The following PC variants were observed in gnomAD, a reference collection of about 807,000 sequenced individuals.
PC encodes the protein pyruvate carboxylase, mitochondrial.
PC carries 46 observed loss-of-function variants against 107.8 expected under a neutral mutation model. The observed-to-expected ratio is 0.43, with a 90% CI of 0.34 to 0.55. The LOEUF (loss-of-function observed/expected upper bound fraction) is 0.55, where lower values mean the gene tolerates loss of function less well. Among genes scored for constraint, PC ranks in the 20% least tolerant of loss-of-function variants. The pLI is 0.04. For synonymous variants in PC, 662 were observed against 684.7 expected, an observed-to-expected ratio of 0.97 and a Z score of 0.52; for missense variants, 1,241 against 1,643.1, an observed-to-expected ratio of 0.76 and a Z score of 4.23.
intron 3 of PC, among the ~76,000 whole-genome samples, chr11:66,874,071 T>C (rs2135955803): frequency 6.6e-6 from 1 of 152,260 alleles, no homozygotes; most frequent in Non-Finnish European, 1.5e-5. Context: ...GTGATTCTCC[T>C]GCCTCAGCCT....
chr11:66,890,743 G>A lies in PC; in HGVS notation c.1-18584C>T, dbSNP rs187521005. Reference sequence around the variant, plus strand: ...TCGAACTCCACTCCCAACCTCAGGCGATCCACCCACCTCAGCCTCCCAAAG... The same window carrying A: ...TCGAACTCCACTCCCAACCTCAGGCAATCCACCCACCTCAGCCTCCCAAAG... On this transcript the variant is annotated intron_variant, in intron 3 of 22. Coordinates refer to ENST00000393960, the MANE Select transcript of PC (RefSeq NM_001040716.2). Among the ~76,000 whole-genome samples, 108 of 151,910 alleles carry A rather than the reference G, an allele frequency of 7.1e-4. 1 individual carries two copies. The highest frequency in any genetic ancestry group is 2.4e-3 in the African/African-American group (99 of 41,350).
rs778409831 is a variant in PC, at chr11:66,871,488, T to C, written c.322-8A>G. 6.2e-7 allele frequency: 1 copy of C among 1,613,044 alleles called. No individual in the cohort carries two copies. Among genetic ancestry groups the C allele is most frequent in the South Asian group, 1.1e-5 (1 of 91,082 alleles). ...TGCATCTACGTTGTTCTCCTGCAGG[T>C]GGGGGTCAGGGAGAGGACGGTACCT... On this transcript the variant is annotated splice_region_variant and splice_polypyrimidine_tract_variant and intron_variant, in intron 5 of 22. Transcript: ENST00000393960. This position sits in a 1 kb window ranked among gnomAD's most constrained non-coding sequence, Gnocchi z 7.4.
At chr11:66,859,566 C>T in intron 12 of PC, 1 of 1,591,896 alleles carries the variant, frequency 6.3e-7, no homozygotes, top group Non-Finnish European at 8.6e-7. Context: ...GAGCTGGGAG[C>T]ACGGGAGTGG....
At chr11:66,869,276 C>G (rs1283644992) in intron 9 of PC, among the ~76,000 whole-genome samples, 1 of 151,908 alleles carries the variant, frequency 6.6e-6, no homozygotes, top group Non-Finnish European at 1.5e-5. Flanking sequence ...CCTGCTGCCT[C>G]CTGGGCTTGC....
intron 12 of PC, among the ~76,000 whole-genome samples, chr11:66,862,897 G>A (rs770942344): frequency 1.3e-5 from 2 of 152,190 alleles, no homozygotes; most frequent in East Asian, 3.8e-4. Flanking sequence ...CCCCACCCTC[G>A]GCTGCTCCTG....
At chr11:66,901,752 C>T (rs1043283237) in intron 3 of PC, among the ~76,000 whole-genome samples, 18 of 152,312 alleles carry the variant, frequency 1.2e-4, no homozygotes, top group East Asian at 5.8e-4. Context: ...GGATTACAGG[C>T]GTGAGCCACC....
intron 3 of PC, among the ~76,000 whole-genome samples, chr11:66,920,988 AG>A (rs1948579960): frequency 6.6e-6 from 1 of 151,716 alleles, no homozygotes; most frequent in South Asian, 2.1e-4. Context: ...CAGTGAGCCG[AG>A]ATCTCCAGGC....
chr11:66,892,027 AT>A (rs1449956607), intron 3 of PC, among the ~76,000 whole-genome samples: 1 of 152,114 alleles, frequency 6.6e-6, no homozygotes, highest in African/African-American at 2.4e-5. Flanking sequence ...ATCTTTATGT[AT>A]TCTAGGCATG....
chr11:66,958,207 CCGCCTTT>C (rs1344669058), intron 1 of PC, 108 bp downstream of exon 1: 2 of 152,128 alleles, frequency 1.3e-5, no homozygotes, highest in Non-Finnish European at 2.9e-5. Context: ...GGAGCCCGCG[CCGCCTTT>C]GCGCGCGCGA....
chr11:66,935,011 T>C (rs970738326), intron 3 of PC, among the ~76,000 whole-genome samples: 8 of 152,270 alleles, frequency 5.3e-5, no homozygotes, highest in African/African-American at 1.4e-4. Context: ...GCATGTATTT[T>C]GTCCAGCACG....
Position 66,852,425 on chromosome 11 carries a change from G to C in PC, c.1825+14C>G, listed in dbSNP as rs373719044. 6.8e-6 allele frequency: 11 copies of C among 1,607,064 alleles called. No individual in the cohort carries two copies. In the African/African-American group the frequency reaches 1.2e-4, roughly 18 times the overall value. On this transcript the variant is annotated intron_variant, in intron 15 of 22. Coordinates refer to ENST00000393960, the MANE Select transcript of PC (RefSeq NM_001040716.2). The surrounding 1 kb of genome is among the most constrained non-coding windows in gnomAD (Gnocchi z 4.7). ...GCCCATTCCTACCAGGCGCTGCGCAGCATGCCAGCCTACCTCCCCAGTTCT... is the reference window on the plus strand; with the variant it reads ...GCCCATTCCTACCAGGCGCTGCGCACCATGCCAGCCTACCTCCCCAGTTCT...
intron 3 of PC, among the ~76,000 whole-genome samples, chr11:66,906,708 T>G (rs1419560747): frequency 6.6e-6 from 1 of 152,024 alleles, no homozygotes; most frequent in Admixed American, 6.6e-5. Flanking sequence ...TCCCATGACC[T>G]GGCAGGGAGC....
At chr11:66,900,404 C>T (rs912775135) in intron 3 of PC, among the ~76,000 whole-genome samples, 2 of 152,006 alleles carry the variant, frequency 1.3e-5, no homozygotes, top group Admixed American at 6.6e-5. Context: ...CCTCATGATC[C>T]GCCCGCCTTG....
At chr11:66,877,532 T>C (rs1947027853) in intron 3 of PC, among the ~76,000 whole-genome samples, 1 of 152,036 alleles carries the variant, frequency 6.6e-6, no homozygotes, top group South Asian at 2.1e-4. Flanking sequence ...TACTAAAAAA[T>C]ACAAAAAAAT....
intron 11 of PC, among the ~76,000 whole-genome samples, chr11:66,865,568 T>C (rs1436877258): frequency 1.3e-5 from 2 of 152,156 alleles, no homozygotes; most frequent in Non-Finnish European, 2.9e-5. Flanking sequence ...GGAGCCCTCC[T>C]GGAGAAGGCG....
At chr11:66,861,697 G>A (rs922096195) in intron 12 of PC, among the ~76,000 whole-genome samples, 6 of 152,154 alleles carry the variant, frequency 3.9e-5, no homozygotes, top group Non-Finnish European at 8.8e-5. Flanking sequence ...CTGCCACGCT[G>A]GGCGCTAGCA....
intron 10 of PC, among the ~76,000 whole-genome samples, chr11:66,867,843 G>C (rs970000084): frequency 1.3e-5 from 2 of 152,380 alleles, no homozygotes; most frequent in African/African-American, 4.8e-5. Flanking sequence ...TAAGGGGAGG[G>C]AGGGGCCTCC....
Position 66,866,343 on chromosome 11 carries a change from G to A in PC, c.1029C>T (p.Asp343=), listed in dbSNP as rs896541068. The A allele has an allele frequency of 6.2e-7, 1 of 1,611,850 alleles. No homozygotes were observed. Among genetic ancestry groups the A allele is most frequent in the Non-Finnish European group, 8.5e-7 (1 of 1,179,276 alleles). ...HTVTEEITDV[D]LVHAQIHVAE... is the part of the protein sequence containing the mutation. ...CCACGTGGATCTGAGCATGGACCAGGTCTACGCTGTAGGGCATTGGGGGGA... is the reference window on the plus strand; with the variant it reads ...CCACGTGGATCTGAGCATGGACCAGATCTACGCTGTAGGGCATTGGGGGGA... Residue 343 remains aspartate, a synonymous_variant, in exon 11 of 23, where the codon GAC becomes GAT. Transcript: ENST00000393960. This position sits in a 1 kb window ranked among gnomAD's most constrained non-coding sequence, Gnocchi z 5.4.
chr11:66,873,856 C>T (rs1946876755), intron 3 of PC, among the ~76,000 whole-genome samples: 1 of 151,938 alleles, frequency 6.6e-6, no homozygotes, highest in East Asian at 1.9e-4. Flanking sequence ...TAACCTCTGC[C>T]TCCCAGGTTC....
Sources: allele counts gnomAD v4.1 joint callset (sites outside exome capture counted in the v4.1 genomes callset), GRCh38; gene constraint gnomAD v4.1.1; non-coding constraint Gnocchi (gnomAD v3.1); transcripts MANE v1.5; gene names NCBI Gene and HGNC (gene_info 2026-07-23, HGNC 2026-07-21).